The following STAT4 variants were observed in gnomAD, a reference collection of about 807,000 sequenced individuals.
STAT4 encodes signal transducer and activator of transcription 4.
STAT4 carries 42 observed loss-of-function variants against 110.5 expected under a neutral mutation model. That is an observed-to-expected ratio of 0.38 (90% CI 0.30 to 0.49). The LOEUF is 0.49. Among genes scored for constraint, STAT4 ranks in the 20% least tolerant of loss-of-function variants. The pLI, the probability that STAT4 is intolerant of heterozygous loss-of-function variation, is 0.95. For missense variants in STAT4, 632 were observed against 887.9 expected (o/e 0.71, Z 3.66); for synonymous variants, 284 against 302.2 (o/e 0.94, Z 0.63).
intron 3 of STAT4, among the ~76,000 whole-genome samples, chr2:191,088,682 A>G (rs1697705917): frequency 6.6e-6 from 1 of 152,242 alleles, no homozygotes; most frequent in South Asian, 2.1e-4. Context: ...GACTTAGTAT[A>G]AACCTATAGT....
At chr2:191,097,731 C>T (rs1698032888) in intron 3 of STAT4, among the ~76,000 whole-genome samples, 1 of 152,146 alleles carries the variant, frequency 6.6e-6, no homozygotes, top group Non-Finnish European at 1.5e-5. Flanking sequence ...ATGACTCAAA[C>T]ACCAAAAGCA....
intron 6 of STAT4, chr2:191,068,546 T>C (rs1697057138): frequency 6.6e-6 from 1 of 152,164 alleles, no homozygotes; most frequent in African/African-American, 2.4e-5. Flanking sequence ...TCATTCATAT[T>C]TCCTTCAAGA....
At chr2:191,102,004 C>T (rs73981277) in intron 3 of STAT4, among the ~76,000 whole-genome samples, 2,615 of 148,194 alleles carry the variant, frequency 0.018, 88 homozygotes, top group African/African-American at 0.063. Flanking sequence ...ATATCTTTGC[C>T]CAACCTTTTT....
intron 1 of STAT4, among the ~76,000 whole-genome samples, chr2:191,149,403 G>T (rs1342730170): frequency 6.6e-6 from 1 of 152,146 alleles, no homozygotes; most frequent in Non-Finnish European, 1.5e-5. Context: ...AGTGGGAAAA[G>T]AAGTAATGTT....
At chr2:191,063,126 T>C (rs1696895830) in intron 8 of STAT4, among the ~76,000 whole-genome samples, 1 of 152,198 alleles carries the variant, frequency 6.6e-6, no homozygotes. Flanking sequence ...ATATGTTAAA[T>C]GTTTTCAATG....
In STAT4 at chr2:191,099,232, A is replaced by G. The variant is rs2125329877; in HGVS notation, c.274-22907T>C. 6.6e-6 allele frequency among the ~76,000 whole-genome samples: 1 copy of G among 152,286 alleles called. No homozygotes were observed. Among genetic ancestry groups the G allele is most frequent in the African/African-American group, 2.4e-5 (1 of 41,578 alleles). ...GATAATATCTATTGTTAATGAAGAT[A>G]TGGGGATGAGGGTCCTAGTACACTT... is the stretch of plus-strand genomic sequence containing the variant. On this transcript the variant is annotated intron_variant, in intron 3 of 23. Coordinates refer to ENST00000392320, the MANE Select transcript of STAT4 (RefSeq NM_003151.4). This position sits in a 1 kb window ranked among gnomAD's most constrained non-coding sequence, Gnocchi z 4.1.
chr2:191,037,478 C>T lies in STAT4; in HGVS notation c.1435-1179G>A, dbSNP rs953095941. Among the ~76,000 whole-genome samples, 2 of 151,966 alleles carry T rather than the reference C, an allele frequency of 1.3e-5. No individual in the cohort carries two copies. Among genetic ancestry groups the T allele is most frequent in the African/African-American group, 2.4e-5 (1 of 41,348 alleles). ...TAAATAAGAGAATATTCTGTGTGAT[C>T]GACTACAAACGAGATTGTGCCAGAA... On this transcript the variant is annotated intron_variant, in intron 16 of 23. Transcript: ENST00000392320. The surrounding 1 kb of genome is among the most constrained non-coding windows in gnomAD (Gnocchi z 4.8).
At chr2:191,137,425 T>A (rs559700753) in intron 3 of STAT4, among the ~76,000 whole-genome samples, 1 of 152,184 alleles carries the variant, frequency 6.6e-6, no homozygotes, top group Admixed American at 6.5e-5. Context: ...AAAATGATCA[T>A]ACTGCCCAAA....
intron 14 of STAT4, among the ~76,000 whole-genome samples, chr2:191,047,792 A>C (rs994032237): frequency 6.6e-6 from 1 of 152,080 alleles, no homozygotes; most frequent in Non-Finnish European, 1.5e-5. Flanking sequence ...CAGCCTCCTG[A>C]GTAGCTGGGA....
At position 191,110,901 on chromosome 2, in the gene STAT4, A is replaced by G. The variant is rs2125361753; in HGVS notation, c.274-34576T>C. The stretch of plus-strand genomic sequence containing the variant: ...TGGGTTCAAGCGATTCCCCTGCCTC[A>G]GCCTCCTGAGTTGCCGGGATTACAG... On this transcript the variant is annotated intron_variant, in intron 3 of 23. Coordinates refer to ENST00000392320, the MANE Select transcript of STAT4 (RefSeq NM_003151.4). This position sits in a 1 kb window ranked among gnomAD's most constrained non-coding sequence, Gnocchi z 4.5. Among the ~76,000 whole-genome samples the G allele has an allele frequency of 6.6e-6, 1 of 152,198 alleles. No individual in the cohort carries two copies. The highest frequency in any genetic ancestry group is 3.4e-3 in the Middle Eastern group (1 of 294).
At chr2:191,121,267 A>G (rs1174261849) in intron 3 of STAT4, among the ~76,000 whole-genome samples, 1 of 152,208 alleles carries the variant, frequency 6.6e-6, no homozygotes, top group Non-Finnish European at 1.5e-5. Flanking sequence ...AAAAGTCAGG[A>G]AACAACAGGT....
Position 191,033,659 on chromosome 2 carries a change from CA to C in STAT4, c.1716-34del. The stretch of plus-strand genomic sequence containing the variant: ...TAGAACATGCATTATTTCATCTGAT[CA>C]TTATTGGATTTTCACTTATTGCATT... On this transcript the variant is annotated intron_variant, in intron 19 of 23. Coordinates refer to ENST00000392320, the MANE Select transcript of STAT4 (RefSeq NM_003151.4). The surrounding 1 kb of genome is among the most constrained non-coding windows in gnomAD (Gnocchi z 6.9). 6.2e-7 allele frequency: 1 copy of C among 1,601,756 alleles called. No homozygotes were observed. Among genetic ancestry groups the C allele is most frequent in the African/African-American group, 1.3e-5 (1 of 74,208 alleles).
rs896598894 is a variant in STAT4, at chr2:191,113,383, A to G, written c.273+33230T>C. ...TTCCTTTGATCTTGAGAGCTCCAACAGGGTTATAGTTCAGAGCTTGGGACA... is the reference window on the plus strand; with the variant it reads ...TTCCTTTGATCTTGAGAGCTCCAACGGGGTTATAGTTCAGAGCTTGGGACA... On this transcript the variant is annotated intron_variant, in intron 3 of 23. Transcript: ENST00000392320. The surrounding 1 kb of genome is among the most constrained non-coding windows in gnomAD (Gnocchi z 4.8). 6.6e-6 allele frequency among the ~76,000 whole-genome samples: 1 copy of G among 152,210 alleles called. No individual in the cohort carries two copies. The highest frequency in any genetic ancestry group is 1.5e-5 in the Non-Finnish European group (1 of 68,032).
intron 3 of STAT4, among the ~76,000 whole-genome samples, chr2:191,133,042 C>T (rs1010268666): frequency 6.6e-6 from 1 of 151,358 alleles, no homozygotes; most frequent in African/African-American, 2.4e-5. Context: ...GCGTGGGCCA[C>T]TGCGCCTGGC....
intron 4 of STAT4, among the ~76,000 whole-genome samples, chr2:191,073,644 C>A (rs555613886): frequency 1.3e-5 from 2 of 152,150 alleles, no homozygotes; most frequent in Non-Finnish European, 2.9e-5. Context: ...GAGCTGAGAT[C>A]GTGCCACTGC....
chr2:191,073,401 T>C (rs1157637134), intron 4 of STAT4, among the ~76,000 whole-genome samples: 1 of 152,170 alleles, frequency 6.6e-6, no homozygotes, highest in Non-Finnish European at 1.5e-5. Flanking sequence ...AAATACCTTA[T>C]ATAGGACAGG....
intron 4 of STAT4, among the ~76,000 whole-genome samples, chr2:191,074,775 C>A (rs1697264104): frequency 6.6e-6 from 1 of 152,138 alleles, no homozygotes; most frequent in Non-Finnish European, 1.5e-5. Flanking sequence ...CCTTCTTCAT[C>A]TAAAAAATAA....
chr2:191,147,924 C>T lies in STAT4; in HGVS notation c.128+152G>A, dbSNP rs1699500178. The T allele has an allele frequency of 3.9e-6, 4 of 1,035,826 alleles. No homozygotes were observed. The highest frequency in any genetic ancestry group is 5.4e-6 in the Non-Finnish European group (4 of 738,524). 64.2% of individuals were successfully genotyped at this position (1,035,826 alleles called of 1,614,324 possible). A position where few individuals can be genotyped will look rare whatever the true frequency, so the allele number is the denominator to read the frequency against. Reference sequence around the variant, plus strand: ...GGAACCAGAAAGGACAATTATTCCCCTTCTTTGGGAAGGCTTTCAAATCCT... The same window carrying T: ...GGAACCAGAAAGGACAATTATTCCCTTTCTTTGGGAAGGCTTTCAAATCCT... On this transcript the variant is annotated intron_variant, in intron 2 of 23. Coordinates refer to ENST00000392320, the MANE Select transcript of STAT4 (RefSeq NM_003151.4). This position sits in a 1 kb window ranked among gnomAD's most constrained non-coding sequence, Gnocchi z 4.1.
chr2:191,104,069 A>G lies in STAT4; in HGVS notation c.274-27744T>C, dbSNP rs535063896. 4.1e-4 allele frequency among the ~76,000 whole-genome samples: 63 copies of G among 152,314 alleles called. No homozygotes were observed. Among genetic ancestry groups the G allele is most frequent in the African/African-American group, 1.5e-3 (61 of 41,580 alleles). ...CTTTGTGATAGCTTTTTGATGTACA[A>G]TACTGAAGAAATAACCATATAATCC... On this transcript the variant is annotated intron_variant, in intron 3 of 23. Transcript: ENST00000392320. This position sits in a 1 kb window ranked among gnomAD's most constrained non-coding sequence, Gnocchi z 4.3.
Sources: allele counts gnomAD v4.1 joint callset (sites outside exome capture counted in the v4.1 genomes callset), GRCh38; gene constraint gnomAD v4.1.1; non-coding constraint Gnocchi (gnomAD v3.1); transcripts MANE v1.5; gene names NCBI Gene and HGNC (gene_info 2026-07-23, HGNC 2026-07-21).